The following SERINC2 variants were observed in gnomAD, a reference collection of about 807,000 sequenced individuals.
The protein encoded by SERINC2 is serine incorporator 2, also known as tumor differentially expressed protein 2.
Under a neutral mutation model 54.2 loss-of-function variants are expected in SERINC2, and 56 were observed. The ratio of observed to expected loss-of-function variants is 1.03; its 90% CI spans 0.83 to 1.29. SERINC2 has a LOEUF of 1.29. Among genes scored for constraint, SERINC2 ranks in the 50% most tolerant of loss-of-function variants. SERINC2 has a pLI of 0.00. For synonymous variants in SERINC2, 272 were observed against 253.1 expected, an observed-to-expected ratio of 1.07 and a Z score of -0.71; for missense variants, 614 against 607.4, an observed-to-expected ratio of 1.01 and a Z score of -0.12.
chr1:31,422,102 C>T (rs1640915523), intron 1 of SERINC2, among the ~76,000 whole-genome samples: 1 of 151,900 alleles, frequency 6.6e-6, no homozygotes, highest in South Asian at 2.1e-4. Flanking sequence ...AGTTTGAGAC[C>T]AGTCTGGGCA....
At chr1:31,413,013 T>G, upstream of SERINC2, 2 of 357,816 alleles carry the variant, frequency 5.6e-6, no homozygotes, top group Non-Finnish European at 7.9e-6. The surrounding 1 kb of genome is among the most constrained non-coding windows in gnomAD (Gnocchi z 5.0). Flanking sequence ...CGGGCCACGA[T>G]TGGGTCAGGT....
chr1:31,432,896 G>A (rs2148533592), intron 8 of SERINC2, 71 bp from the exon 9 acceptor site: 7 of 1,273,228 alleles, frequency 5.5e-6, no homozygotes, highest in Admixed American at 4.0e-5. Context: ...GAGGCTCTGG[G>A]ACCATTTGTG....
chr1:31,433,936 A>G, intron 9 of SERINC2, 128 bp from the exon 10 acceptor site: 1 of 907,808 alleles, frequency 1.1e-6, no homozygotes, highest in South Asian at 1.6e-5. Flanking sequence ...AATGTCAGAG[A>G]TGGACTGGAG....
At chr1:31,410,444 T>G, upstream of SERINC2, 1 of 1,550,372 alleles carries the variant, frequency 6.5e-7, no homozygotes. Flanking sequence ...CAGTGAGTTA[T>G]GCCTTCCATG....
At chr1:31,414,377 C>A in intron 1 of SERINC2, 1 of 1,206,374 alleles carries the variant, frequency 8.3e-7, no homozygotes, top group Middle Eastern at 3.3e-4. Flanking sequence ...GGGGCTGCAG[C>A]GGCTGCTGAA....
intron 4 of SERINC2, 82 bp from the exon 5 acceptor site, chr1:31,425,694 C>A: frequency 6.7e-7 from 1 of 1,501,112 alleles, no homozygotes; most frequent in Non-Finnish European, 9.1e-7. Context: ...GTCCCCGGTG[C>A]AGGGTGTAGC....
chr1:31,432,204 A>ACAGGGTGGACAGG (rs1641314479), intron 8 of SERINC2, among the ~76,000 whole-genome samples: 1 of 46,424 alleles, frequency 2.2e-5, no homozygotes, highest in Non-Finnish European at 5.1e-5. Flanking sequence ...GAGTGGAGAG[A>ACAGGGTGGACAGG]GTGGACAGGG....
chr1:31,431,879 GGGTGGACAGGGTGGAT>G (rs1641239881), intron 8 of SERINC2, among the ~76,000 whole-genome samples: 1 of 148,896 alleles, frequency 6.7e-6, no homozygotes, highest in Admixed American at 6.7e-5. Flanking sequence ...AGGGTGGACA[GGGTGGACAGGGTGGAT>G]AGGGTGGATA....
At chr1:31,413,035 C>G, upstream of SERINC2, 3 of 586,016 alleles carry the variant, frequency 5.1e-6, no homozygotes, top group Non-Finnish European at 6.5e-6. The surrounding 1 kb of genome is among the most constrained non-coding windows in gnomAD (Gnocchi z 5.0). Context: ...GCGCCGCTCG[C>G]GTGGCCGCGG....
At position 31,434,108 on chromosome 1, in the gene SERINC2, G is replaced by C; in HGVS notation, c.1277G>C (p.Trp426Ser). 6.2e-7 allele frequency: 1 copy of C among 1,614,044 alleles called. No homozygotes were observed. The highest frequency in any genetic ancestry group is 8.5e-7 in the Non-Finnish European group (1 of 1,179,982). Residue 426 changes from tryptophan (W) to serine (S), a missense_variant, in exon 10 of 10, where the codon TGG becomes TCG. By Grantham distance (177) the Trp-to-Ser change is radical. Coordinates refer to ENST00000373709, the MANE Select transcript of SERINC2 (RefSeq NM_178865.5). ...RKMISTWTAV[W>S]VKICASWAGL... ...ATGATCAGCACGTGGACCGCCGTGT[G>C]GGTGAAGATCTGTGCCAGCTGGGCA...
At chr1:31,414,574 T>C in intron 1 of SERINC2, 1 of 985,902 alleles carries the variant, frequency 1.0e-6, no homozygotes, top group Non-Finnish European at 1.2e-6. Context: ...CAAGAGAGCC[T>C]CTCGCCTCAT....
At chr1:31,414,130 G>T in intron 1 of SERINC2, 1 of 1,427,834 alleles carries the variant, frequency 7.0e-7, no homozygotes, top group Non-Finnish European at 9.1e-7. Context: ...AGGGAGGTTC[G>T]GGTGTGCGCG....
chr1:31,414,078 C>G, intron 1 of SERINC2: 2 of 1,481,044 alleles, frequency 1.4e-6, no homozygotes, highest in Non-Finnish European at 1.8e-6. Context: ...CGGGTCGTCA[C>G]GGACCACCGG....
At chr1:31,433,982 A>C in intron 9 of SERINC2, 82 bp from the exon 10 acceptor site, 1 of 1,454,744 alleles carries the variant, frequency 6.9e-7, no homozygotes, top group Middle Eastern at 1.8e-4. Context: ...GTCAGGGGTC[A>C]TAACTGGGAC....
At chr1:31,415,346 G>A (rs376498112) in intron 1 of SERINC2, among the ~76,000 whole-genome samples, 1 of 152,122 alleles carries the variant, frequency 6.6e-6, no homozygotes, top group African/African-American at 2.4e-5. Context: ...TCTGGCCTCC[G>A]ACATTTACTG....
intron 1 of SERINC2, among the ~76,000 whole-genome samples, chr1:31,415,530 G>A (rs996122566): frequency 1.3e-5 from 2 of 152,254 alleles, no homozygotes; most frequent in African/African-American, 2.4e-5. Context: ...GCCCCATACA[G>A]TAGTGAGCAG....
intron 8 of SERINC2, among the ~76,000 whole-genome samples, chr1:31,432,111 T>C (rs141060841): frequency 0.19 from 2,008 of 10,474 alleles, 116 homozygotes; most frequent in Non-Finnish European, 0.25. Flanking sequence ...ACAGGGTGGA[T>C]AGGGTGGTTA....
At chr1:31,423,981 T>A (rs1640967182) in intron 2 of SERINC2, 127 bp downstream of exon 2, 3 of 860,902 alleles carry the variant, frequency 3.5e-6, no homozygotes, top group Non-Finnish European at 5.4e-6. Flanking sequence ...GCACTGATGA[T>A]CTGAGGTTGG....
intron 8 of SERINC2, 129 bp from the exon 9 acceptor site, chr1:31,432,838 A>G: frequency 1.5e-6 from 1 of 681,798 alleles, no homozygotes; most frequent in Non-Finnish European, 2.5e-6. Flanking sequence ...GTTGAGAGGC[A>G]AAGCAGTTTG....
Sources: gnomAD v4.1 joint callset for allele counts (sites outside exome capture counted in the v4.1 genomes callset) on GRCh38, gnomAD v4.1.1 for gene constraint, Gnocchi (gnomAD v3.1) non-coding constraint, MANE v1.5 for transcripts, NCBI Gene and HGNC (gene_info 2026-07-23, HGNC 2026-07-21) for gene names.